Variants in HSPA12A observed in about 807,000 individuals in gnomAD.
The protein encoded by HSPA12A is heat shock protein family A (Hsp70) member 12A, also known as heat shock 70 kDa protein 12A.
Under a neutral mutation model 69.2 loss-of-function variants are expected in HSPA12A, and 28 were observed. That is an observed-to-expected ratio of 0.40 (90% confidence interval 0.30 to 0.55). The LOEUF (loss-of-function observed/expected upper bound fraction) is 0.55, where lower values mean the gene tolerates loss of function less well. Ranked by LOEUF, HSPA12A falls within the 20% of genes least tolerant of loss-of-function variation. HSPA12A has a pLI of 0.38. For synonymous variants in HSPA12A, 345 were observed against 370.5 expected, an observed-to-expected ratio of 0.93 and a Z score of 0.79; for missense variants, 686 against 900.7, an observed-to-expected ratio of 0.76 and a Z score of 3.05.
intron 2 of HSPA12A, among the ~76,000 whole-genome samples, chr10:116,757,308 T>C (rs2133095980): frequency 6.6e-6 from 1 of 152,266 alleles, no homozygotes; most frequent in East Asian, 1.9e-4. Flanking sequence ...AGCATGAGTC[T>C]CCCAGGGAGA....
chr10:116,727,242 A>G (rs1638423), intron 1 of HSPA12A, among the ~76,000 whole-genome samples: 151,274 of 152,322 alleles, frequency 0.99, 75,132 homozygotes, highest in Middle Eastern at 1. Flanking sequence ...GTCAACTCAT[A>G]CAGCTAAAGT....
At chr10:116,683,769 G>T in intron 7 of HSPA12A, 22 bp downstream of exon 7, 1 of 1,503,168 alleles carries the variant, frequency 6.7e-7, no homozygotes, top group Non-Finnish European at 9.0e-7. Context: ...GAGCAGGAGG[G>T]GGAGAGAGAG....
chr10:116,683,082 G>C (rs946762301), intron 7 of HSPA12A, among the ~76,000 whole-genome samples: 2 of 151,592 alleles, frequency 1.3e-5, no homozygotes, highest in East Asian at 1.9e-4. Context: ...AACAGTGCCC[G>C]GCGCCACCCC....
intron 2 of HSPA12A, among the ~76,000 whole-genome samples, chr10:116,792,541 C>T (rs1844721102): frequency 6.7e-6 from 1 of 150,254 alleles, no homozygotes; most frequent in South Asian, 2.1e-4. Flanking sequence ...CTTTGGGAGG[C>T]CGAGGCAGGC....
rs932584751 is a variant in HSPA12A, at chr10:116,672,273, G to C, written c.*2508C>G. The C allele has an allele frequency of 3.3e-5, 5 of 152,332 alleles. No homozygotes were observed. Among genetic ancestry groups the C allele is most frequent in the Non-Finnish European group, 5.9e-5 (4 of 68,062 alleles). The allele number at this position is 152,332 out of a possible 1,614,324, so 9.4% of individuals were successfully genotyped here. A position where few individuals can be genotyped will look rare whatever the true frequency, so the allele number is the denominator to read the frequency against. ...GAGTGACTGCTCCGACCCGGAAGGAGAGGTCAACGACCCCTCAGGACACAA... is the reference window on the plus strand; with the variant it reads ...GAGTGACTGCTCCGACCCGGAAGGACAGGTCAACGACCCCTCAGGACACAA... On this transcript the variant is annotated 3_prime_UTR_variant, in exon 12 of 12. Coordinates refer to ENST00000369209, the MANE Select transcript of HSPA12A (RefSeq NM_025015.3).
intron 1 of HSPA12A, among the ~76,000 whole-genome samples, chr10:116,738,689 C>A (rs1851386881): frequency 2.0e-5 from 3 of 152,164 alleles, no homozygotes; most frequent in Admixed American, 2.0e-4. Context: ...TTTGGGACCA[C>A]ACAGGCAGAT....
At chr10:116,707,364 T>A in intron 1 of HSPA12A, 79 bp from the exon 2 acceptor site, 3 of 1,118,068 alleles carry the variant, frequency 2.7e-6, no homozygotes, top group Non-Finnish European at 4.0e-6. Flanking sequence ...TGCATGGCCT[T>A]AACTCCTCCA....
intron 2 of HSPA12A, among the ~76,000 whole-genome samples, chr10:116,815,221 G>A (rs1400193263): frequency 7.2e-6 from 1 of 138,856 alleles, no homozygotes; most frequent in African/African-American, 2.7e-5. Flanking sequence ...CAGAGTGGTG[G>A]ATATCCTCTG....
At chr10:116,828,825 T>A (rs548020170) in intron 2 of HSPA12A, 1 of 152,194 alleles carries the variant, frequency 6.6e-6, no homozygotes, top group Non-Finnish European at 1.5e-5. Flanking sequence ...GAATGACAAA[T>A]AGTTGCAAAT....
At chr10:116,768,833 G>A (rs1482280071) in intron 2 of HSPA12A, among the ~76,000 whole-genome samples, 1 of 152,078 alleles carries the variant, frequency 6.6e-6, no homozygotes, top group African/African-American at 2.4e-5. Flanking sequence ...GCAGCCTGCT[G>A]ACATCACCCT....
In HSPA12A at chr10:116,767,829, G is replaced by A. The variant is rs117345727; in HGVS notation, c.92-60544C>T. Among the ~76,000 whole-genome samples, 681 of 152,170 alleles carry A rather than the reference G, an allele frequency of 4.5e-3. 25 individuals are homozygous for A. The East Asian group carries it at 0.095, about 21-fold the overall frequency. On this transcript the variant is annotated intron_variant, in intron 2 of 12. Coordinates refer to the HSPA12A transcript ENST00000635765. ...AAGGGCTCTGTGAACTCTGTCTCTC[G>A]GCACTATGTTCCCTAATTGCAGCCT...
chr10:116,740,271 T>G (rs1430376579), intron 1 of HSPA12A, among the ~76,000 whole-genome samples: 1 of 152,194 alleles, frequency 6.6e-6, no homozygotes, highest in Admixed American at 6.5e-5. Flanking sequence ...GGTAACAGGT[T>G]TGTTGTGAGC....
intron 2 of HSPA12A, among the ~76,000 whole-genome samples, chr10:116,774,309 G>A (rs112351764): frequency 0.02 from 3,032 of 152,284 alleles, 83 homozygotes; most frequent in African/African-American, 0.067. Context: ...GCGCCCGGCC[G>A]GCAAGGGCTT....
intron 1 of HSPA12A, among the ~76,000 whole-genome samples, chr10:116,843,914 G>C (rs949147543): frequency 6.6e-6 from 1 of 152,170 alleles, no homozygotes; most frequent in Non-Finnish European, 1.5e-5. Flanking sequence ...TTAGATTCTA[G>C]TAGAAGCTAA....
At chr10:116,692,857 T>G (rs1849775470) in intron 5 of HSPA12A, among the ~76,000 whole-genome samples, 1 of 152,234 alleles carries the variant, frequency 6.6e-6, no homozygotes, top group African/African-American at 2.4e-5. Flanking sequence ...CTACATTTAC[T>G]GAGTGCTTAT....
chr10:116,692,619 A>AC, intron 5 of HSPA12A, 152 bp from the exon 6 acceptor site: 1 of 658,936 alleles, frequency 1.5e-6, no homozygotes, highest in Admixed American at 2.4e-5. Context: ...GAGAGCAAAG[A>AC]TCTGTTTCCT....
intron 1 of HSPA12A, among the ~76,000 whole-genome samples, chr10:116,843,952 G>C (rs1490402477): frequency 6.6e-6 from 1 of 152,122 alleles, no homozygotes; most frequent in Non-Finnish European, 1.5e-5. Context: ...TCTAATGTGT[G>C]GCTCAGCCCA....
At chr10:116,711,982 C>G (rs1021802536) in intron 1 of HSPA12A, among the ~76,000 whole-genome samples, 1 of 152,104 alleles carries the variant, frequency 6.6e-6, no homozygotes, top group Non-Finnish European at 1.5e-5. Context: ...CCACTGTGCC[C>G]GGCCAACACT....
In HSPA12A at chr10:116,675,341, G is replaced by C. The variant is rs1272713531; in HGVS notation, c.1468C>G (p.Leu490Val). Residue 490 changes from leucine to valine, a missense_variant, in exon 12 of 12, where the codon CTG becomes GTG. Transcript: ENST00000369209. The surrounding 1 kb of genome is among the most constrained non-coding windows in gnomAD (Gnocchi z 5.2). ...AAAGCAGCCTGCACCGCCTGCTGCAGCAGGGGCGCCTCGGCAAAGCCGCCC... is the reference window on the plus strand; with the variant it reads ...AAAGCAGCCTGCACCGCCTGCTGCACCAGGGGCGCCTCGGCAAAGCCGCCC... The part of the protein sequence containing the change: ...LVGGFAEAPL[L>V]QQAVQAAFGD... The C allele has an allele frequency of 6.2e-7, 1 of 1,612,718 alleles. No homozygotes were observed. Among genetic ancestry groups the C allele is most frequent in the Non-Finnish European group, 8.5e-7 (1 of 1,179,872 alleles).
Sources: gnomAD v4.1 joint callset for allele counts (sites outside exome capture counted in the v4.1 genomes callset) on GRCh38, gnomAD v4.1.1 for gene constraint, Gnocchi (gnomAD v3.1) non-coding constraint, MANE v1.5 for transcripts, NCBI Gene and HGNC (gene_info 2026-07-23, HGNC 2026-07-21) for gene names.